ELK3: variants seen among roughly 807,000 people sequenced by gnomAD.
The protein encoded by ELK3 is ETS domain-containing protein Elk-3.
ELK3 carries 10 observed loss-of-function variants against 28.9 expected under a neutral mutation model. That is an observed-to-expected ratio of 0.35 (90% CI 0.21 to 0.59). The LOEUF is 0.59. ELK3 is among the 20% of genes least tolerant of loss of function. The pLI is 0.82. For synonymous variants in ELK3, 272 were observed against 243.5 expected (o/e 1.12, Z -1.09); for missense variants, 463 against 517.3 (o/e 0.90, Z 1.02).
chr12:96,216,327 T>A (rs1951618282), intron 1 of ELK3, among the ~76,000 whole-genome samples: 2 of 152,186 alleles, frequency 1.3e-5, no homozygotes, highest in African/African-American at 4.8e-5. Flanking sequence ...GTCACACAGC[T>A]TGGAGGCCTC....
chr12:96,237,750 C>T (rs999048891), intron 2 of ELK3, among the ~76,000 whole-genome samples: 1 of 152,232 alleles, frequency 6.6e-6, no homozygotes, highest in Admixed American at 6.5e-5. Context: ...CTGTGAATAG[C>T]CACTGCATTC....
At chr12:96,238,191 T>C (rs753017523) in intron 2 of ELK3, among the ~76,000 whole-genome samples, 37 of 152,350 alleles carry the variant, frequency 2.4e-4, no homozygotes, top group South Asian at 1.0e-3. Flanking sequence ...TGTGTACGAT[T>C]AGATTATTGC....
chr12:96,201,063 C>G (rs1041059816), intron 1 of ELK3, among the ~76,000 whole-genome samples: 10 of 152,144 alleles, frequency 6.6e-5, no homozygotes, highest in Non-Finnish European at 1.2e-4. Context: ...CATATAGATT[C>G]TTAAACTTCA....
At chr12:96,223,850 T>G (rs746367228) in intron 2 of ELK3, 77 bp downstream of exon 2, 1 of 1,408,350 alleles carries the variant, frequency 7.1e-7, no homozygotes, top group South Asian at 1.2e-5. Context: ...TGAAAGAAAA[T>G]AATAGCGTGC....
chr12:96,207,944 A>G (rs927426309), intron 1 of ELK3, among the ~76,000 whole-genome samples: 3 of 152,240 alleles, frequency 2.0e-5, no homozygotes, highest in Non-Finnish European at 2.9e-5. Flanking sequence ...ATCCTTTGCC[A>G]TATCTGTGTA....
At chr12:96,231,032 G>C (rs548076551) in intron 2 of ELK3, among the ~76,000 whole-genome samples, 2 of 152,316 alleles carry the variant, frequency 1.3e-5, no homozygotes, top group East Asian at 1.9e-4. Context: ...CATGGGAGGT[G>C]CCTGTGGCTG....
At position 96,211,538 on chromosome 12, in the gene ELK3, G is replaced by A. The variant is rs74640803; in HGVS notation, c.-2-12027G>A. Among the ~76,000 whole-genome samples, 108 of 151,448 alleles carry A rather than the reference G, an allele frequency of 7.1e-4. 2 individuals are homozygous for A. The East Asian group carries it at 0.019, about 27-fold the overall frequency. On this transcript the variant is annotated intron_variant, in intron 1 of 4. Coordinates refer to ENST00000228741, the MANE Select transcript of ELK3 (RefSeq NM_005230.4). Reference sequence around the variant, plus strand: ...GTGTGTGTGTGTGTATCAGTTTTATGTATGTGAATATATTTTAGGTTGAAT... The same window carrying A: ...GTGTGTGTGTGTGTATCAGTTTTATATATGTGAATATATTTTAGGTTGAAT...
chr12:96,231,852 G>T (rs1951744261), intron 2 of ELK3, among the ~76,000 whole-genome samples: 2 of 152,102 alleles, frequency 1.3e-5, no homozygotes, highest in African/African-American at 4.8e-5. Context: ...CTTTTCCTCA[G>T]CCATCCAGCC....
chr12:96,200,014 G>C (rs1318715558), intron 1 of ELK3, among the ~76,000 whole-genome samples: 1 of 152,038 alleles, frequency 6.6e-6, no homozygotes, highest in Non-Finnish European at 1.5e-5. Flanking sequence ...TGTGTAATAT[G>C]GGAGTGATGG....
chr12:96,260,454 CATT>C (rs1463808183), intron 4 of ELK3, among the ~76,000 whole-genome samples: 2 of 152,182 alleles, frequency 1.3e-5, no homozygotes, highest in Non-Finnish European at 1.5e-5. Context: ...TATGAATCAT[CATT>C]AAGTTCTCCT....
intron 1 of ELK3, among the ~76,000 whole-genome samples, chr12:96,195,023 G>T (rs1405879633): frequency 6.6e-6 from 1 of 151,806 alleles, no homozygotes; most frequent in Admixed American, 6.6e-5. Flanking sequence ...AAGGGGCGCC[G>T]GGCGTGCAAC....
chr12:96,200,195 GA>G (rs149456325), intron 1 of ELK3, among the ~76,000 whole-genome samples: 1,747 of 151,986 alleles, frequency 0.011, 25 homozygotes, highest in African/African-American at 0.04. Flanking sequence ...TTTGTGTTGG[GA>G]ACATCCATTA....
chr12:96,230,721 C>T (rs146321152), intron 2 of ELK3, among the ~76,000 whole-genome samples: 9 of 152,258 alleles, frequency 5.9e-5, no homozygotes, highest in Admixed American at 1.3e-4. Context: ...ACCCTGGGGG[C>T]GCCAATCCCG....
intron 3 of ELK3, among the ~76,000 whole-genome samples, chr12:96,250,161 G>A (rs140896916): frequency 5.3e-5 from 8 of 152,148 alleles, no homozygotes; most frequent in African/African-American, 1.9e-4. Context: ...CAAAACTAAG[G>A]GGGTCACCAG....
chr12:96,215,629 CTTTTTTTTT>C (rs10611662), intron 1 of ELK3, among the ~76,000 whole-genome samples: 2 of 133,538 alleles, frequency 1.5e-5, no homozygotes, highest in East Asian at 2.1e-4. Context: ...GACATAAAAC[CTTTTTTTTT>C]TTTTTTTTTT....
rs549006105 is a variant in ELK3, at chr12:96,239,610, G to A, written c.208-7330G>A. ...TCTCTGTACTGGTTCCTTTCACGTAGGGTATCTACCACGATAAAATGAGTG... is the reference window on the plus strand; with the variant it reads ...TCTCTGTACTGGTTCCTTTCACGTAAGGTATCTACCACGATAAAATGAGTG... On this transcript the variant is annotated intron_variant, in intron 2 of 4. Coordinates refer to ENST00000228741, the MANE Select transcript of ELK3 (RefSeq NM_005230.4). Among the ~76,000 whole-genome samples the A allele has an allele frequency of 5.9e-5, 9 of 152,296 alleles. No individual in the cohort carries two copies. The East Asian group carries it at 1.7e-3, about 29-fold the overall frequency.
At chr12:96,208,684 GA>G (rs929982704) in intron 1 of ELK3, among the ~76,000 whole-genome samples, 1 of 152,242 alleles carries the variant, frequency 6.6e-6, no homozygotes, top group Non-Finnish European at 1.5e-5. Flanking sequence ...AGGAGCCTAT[GA>G]GATGCACTGT....
chr12:96,230,401 ATTATAC>A (rs760198834), intron 2 of ELK3, among the ~76,000 whole-genome samples: 18 of 152,316 alleles, frequency 1.2e-4, no homozygotes, highest in Admixed American at 3.3e-4. Context: ...GATTTTTAAA[ATTATAC>A]TTAAAAGGAG....
rs1442212922 is a variant in ELK3 at position 96,247,008 on chromosome 12, G to T, written c.276G>T (p.Lys92Asn). 2 of 1,613,942 alleles carry T rather than the reference G, an allele frequency of 1.2e-6. No individual in the cohort carries two copies. The highest frequency in any genetic ancestry group is 1.3e-5 in the African/African-American group (1 of 74,934). Reference sequence around the variant, plus strand: ...TTGTCTCTTTCCCGGAGATCCTGAAGATGGATCCTCACGCGGTGGAGATCA... The same window carrying T: ...TTGTCTCTTTCCCGGAGATCCTGAATATGGATCCTCACGCGGTGGAGATCA... ...YKFVSFPEIL[K>N]MDPHAVEISR... Residue 92 changes from lysine to asparagine, a missense_variant, in exon 3 of 5, where the codon AAG (lysine) becomes AAT (asparagine). Coordinates refer to ENST00000228741, the MANE Select transcript of ELK3 (RefSeq NM_005230.4). This position sits in a 1 kb window ranked among gnomAD's most constrained non-coding sequence, Gnocchi z 5.5.
Sources: allele counts gnomAD v4.1 joint callset (sites outside exome capture counted in the v4.1 genomes callset), GRCh38; gene constraint gnomAD v4.1.1; non-coding constraint Gnocchi (gnomAD v3.1); transcripts MANE v1.5; gene names NCBI Gene and HGNC (gene_info 2026-07-23, HGNC 2026-07-21).